Variants in SRGAP1 observed in about 807,000 individuals in gnomAD.
SRGAP1 encodes the protein SLIT-ROBO Rho GTPase-activating protein 1.
In SRGAP1, 43 loss-of-function variants were observed where a neutral mutation model predicts 121.9. That is an observed-to-expected ratio of 0.35 (90% CI 0.28 to 0.46). The LOEUF is 0.46. SRGAP1 is among the 20% of genes least tolerant of loss of function. SRGAP1 has a pLI of 1.00. For missense variants in SRGAP1, 1,102 were observed against 1,350.9 expected (o/e 0.82, Z 2.89); for synonymous variants, 447 against 485.4 (o/e 0.92, Z 1.04).
intron 1 of SRGAP1, among the ~76,000 whole-genome samples, chr12:63,902,595 A>T (rs61933089): frequency 6.6e-6 from 1 of 152,210 alleles, no homozygotes; most frequent in East Asian, 1.9e-4. Flanking sequence ...AGATTTGGTT[A>T]TAAAGTAACT....
At chr12:64,095,289 AT>A in intron 14 of SRGAP1, 85 bp downstream of exon 14, 2 of 1,214,222 alleles carry the variant, frequency 1.6e-6, no homozygotes, top group Non-Finnish European at 2.4e-6. Context: ...TATTCTGTAT[AT>A]CCTCAAAACC....
intron 1 of SRGAP1, among the ~76,000 whole-genome samples, chr12:63,966,117 G>T (rs60677974): frequency 6.6e-6 from 1 of 152,130 alleles, no homozygotes; most frequent in Non-Finnish European, 1.5e-5. Flanking sequence ...ACCGTGCCCA[G>T]CCAAAAGTGC....
intron 3 of SRGAP1, among the ~76,000 whole-genome samples, chr12:63,990,472 C>A (rs1190165030): frequency 6.6e-6 from 1 of 152,132 alleles, no homozygotes; most frequent in Admixed American, 6.5e-5. Context: ...GCGGAGGTTG[C>A]AGTGAGCCAA....
chr12:64,065,450 AT>A (rs148510859), intron 8 of SRGAP1, among the ~76,000 whole-genome samples: 27 of 152,164 alleles, frequency 1.8e-4, no homozygotes, highest in South Asian at 6.2e-4. Flanking sequence ...TGTAAACACA[AT>A]TTTTTTTACC....
intron 1 of SRGAP1, among the ~76,000 whole-genome samples, chr12:63,928,240 A>G (rs138597598): frequency 3.0e-4 from 46 of 152,344 alleles, no homozygotes; most frequent in African/African-American, 9.9e-4. Flanking sequence ...ATAAAATGGT[A>G]CAACTATTTT....
In SRGAP1 at chr12:64,137,961, A is replaced by AAAATAT. The variant is rs372355390; in HGVS notation, c.2881-4333_2881-4332insAATATA. 4.1e-3 allele frequency among the ~76,000 whole-genome samples: 571 copies of AAAATAT among 139,644 alleles called. 10 individuals carry two copies. The highest frequency in any genetic ancestry group is 0.02 in the East Asian group (98 of 4,852). 91.6% of individuals were successfully genotyped at this position (139,644 alleles called of 152,430 possible). A position where few individuals can be genotyped will look rare whatever the true frequency, so the allele number is the denominator to read the frequency against. On this transcript the variant is annotated intron_variant, in intron 21 of 21. Transcript: ENST00000355086. ...CTTTCTTAATTGTGCTTAAAAAAAA[A>AAAATAT]ATATATATATATATATATATAAAAA...
chr12:64,092,845 G>A (rs1300618477), intron 12 of SRGAP1, among the ~76,000 whole-genome samples: 3 of 152,104 alleles, frequency 2.0e-5, no homozygotes, highest in Non-Finnish European at 2.9e-5. Context: ...AATACAGTAC[G>A]AGAATGGCTG....
chr12:63,952,683 T>C (rs2032336653), intron 1 of SRGAP1, among the ~76,000 whole-genome samples: 1 of 152,196 alleles, frequency 6.6e-6, no homozygotes, highest in Admixed American at 6.5e-5. Flanking sequence ...TTATGTTTCA[T>C]GGTACTGGGG....
chr12:63,935,303 C>T (rs374418860), intron 1 of SRGAP1, among the ~76,000 whole-genome samples: 20 of 152,086 alleles, frequency 1.3e-4, no homozygotes, highest in South Asian at 4.2e-4. Flanking sequence ...AACCTGAGAC[C>T]GAAAAGCAGA....
chr12:63,943,114 G>A (rs1016696770), intron 1 of SRGAP1, among the ~76,000 whole-genome samples: 2 of 152,148 alleles, frequency 1.3e-5, no homozygotes, highest in Non-Finnish European at 2.9e-5. Context: ...ACTGTACCAG[G>A]AGAAACAGTA....
At chr12:64,037,116 G>T (rs1007038787) in intron 4 of SRGAP1, among the ~76,000 whole-genome samples, 1 of 152,234 alleles carries the variant, frequency 6.6e-6, no homozygotes, top group Admixed American at 6.5e-5. Context: ...TTGCCATGGA[G>T]AATGGGTCAA....
At chr12:63,934,630 C>T (rs2031596782) in intron 1 of SRGAP1, among the ~76,000 whole-genome samples, 2 of 151,950 alleles carry the variant, frequency 1.3e-5, no homozygotes, top group Admixed American at 1.3e-4. Flanking sequence ...CTGATTTTTC[C>T]AGGATCTGAG....
intron 8 of SRGAP1, among the ~76,000 whole-genome samples, chr12:64,078,691 A>G (rs944403706): frequency 6.6e-6 from 1 of 152,224 alleles, no homozygotes; most frequent in Non-Finnish European, 1.5e-5. Context: ...TATGAGATTT[A>G]TAAGGACTGA....
At chr12:64,049,398 A>T (rs556841534) in intron 6 of SRGAP1, among the ~76,000 whole-genome samples, 1 of 152,236 alleles carries the variant, frequency 6.6e-6, no homozygotes, top group African/African-American at 2.4e-5. Flanking sequence ...ACTTACAATC[A>T]TGGTGGAAGG....
chr12:63,912,320 G>A (rs1361856275), intron 1 of SRGAP1, among the ~76,000 whole-genome samples: 1 of 152,076 alleles, frequency 6.6e-6, no homozygotes, highest in East Asian at 1.9e-4. Context: ...GTAAAAGTCA[G>A]CACTAGGCTG....
At position 64,106,721 on chromosome 12, in the gene SRGAP1, C is replaced by G. The variant is rs535602495; in HGVS notation, c.1814-2211C>G. 5.2e-4 allele frequency among the ~76,000 whole-genome samples: 79 copies of G among 152,268 alleles called. 1 individual carries two copies. The South Asian group carries it at 0.016, about 30-fold the overall frequency. ...GTTGAATAACTTCTTTTTTAAGCAT[C>G]TTATTCCCTCTTTTCAGGGAAAAAT... On this transcript the variant is annotated intron_variant, in intron 15 of 21. Coordinates refer to ENST00000355086, the MANE Select transcript of SRGAP1 (RefSeq NM_020762.4).
chr12:63,926,506 T>A (rs2031268144), intron 1 of SRGAP1, among the ~76,000 whole-genome samples: 1 of 152,172 alleles, frequency 6.6e-6, no homozygotes, highest in Non-Finnish European at 1.5e-5. Flanking sequence ...GCCTTCTGGG[T>A]AGGGCTCAAG....
intron 4 of SRGAP1, among the ~76,000 whole-genome samples, chr12:64,033,452 C>T (rs1005261810): frequency 6.6e-6 from 1 of 152,148 alleles, no homozygotes; most frequent in African/African-American, 2.4e-5. Context: ...TGTGGTGGCT[C>T]ATGCCTGTAA....
rs147526489 is a variant in SRGAP1 at position 64,079,264 on chromosome 12, C to T, written c.1323+148C>T. On this transcript the variant is annotated intron_variant, in intron 9 of 21. Transcript: ENST00000355086. ...TCAGAGTTCCTGATTCAGTCAGTTT[C>T]GGAAAGAGTTTAGGAGTTATTTAGG... 3.9e-4 allele frequency: 334 copies of T among 858,990 alleles called. 1 individual carries two copies. In the African/African-American group the frequency reaches 4.7e-3, roughly 12 times the overall value. 53.2% of individuals were successfully genotyped at this position (858,990 alleles called of 1,614,324 possible).
Sources: allele counts gnomAD v4.1 joint callset (sites outside exome capture counted in the v4.1 genomes callset), GRCh38; gene constraint gnomAD v4.1.1; transcripts MANE v1.5; gene names NCBI Gene and HGNC (gene_info 2026-07-23, HGNC 2026-07-21).